TNFAIP8: variants seen among roughly 807,000 people sequenced by gnomAD.
The protein encoded by TNFAIP8 is TNF alpha induced protein 8.
In TNFAIP8, 7 loss-of-function variants were observed where a neutral mutation model predicts 13.3. The ratio of observed to expected loss-of-function variants is 0.52; its 90% CI spans 0.30 to 0.99. The LOEUF is 0.99. Ranked by LOEUF, TNFAIP8 falls within the 50% of genes least tolerant of loss-of-function variation. TNFAIP8 has a pLI of 0.07. For synonymous variants in TNFAIP8, 94 were observed against 87.6 expected (o/e 1.07, Z -0.41); for missense variants, 258 against 236.9 (o/e 1.09, Z -0.58).
rs1748599442 is a variant in TNFAIP8 at position 119,280,617 on chromosome 5, G to A, written c.1+11710G>A. Among the ~76,000 whole-genome samples, 3 of 152,234 alleles carry A rather than the reference G, an allele frequency of 2.0e-5. No homozygotes were observed. The South Asian group carries it at 6.2e-4, about 32-fold the overall frequency. Reference sequence around the variant, plus strand: ...GTATTCTTTCACTGGGAGACACATGGGGTCTGGTTTTTCCACTCTTTTGAT... The same window carrying A: ...GTATTCTTTCACTGGGAGACACATGAGGTCTGGTTTTTCCACTCTTTTGAT... On this transcript the variant is annotated intron_variant, in intron 1 of 1. Coordinates refer to the TNFAIP8 transcript ENST00000274456.
chr5:119,307,525 C>A (rs1016629681), intron 1 of TNFAIP8, among the ~76,000 whole-genome samples: 1 of 151,812 alleles, frequency 6.6e-6, no homozygotes, highest in Non-Finnish European at 1.5e-5. Context: ...AGAAAAATTT[C>A]TGGAAAGATG....
intron 1 of TNFAIP8, among the ~76,000 whole-genome samples, chr5:119,315,152 A>G (rs1749850547): frequency 6.6e-6 from 1 of 152,154 alleles, no homozygotes; most frequent in Non-Finnish European, 1.5e-5. Context: ...GTGCGATCTC[A>G]GCTCACTACA....
chr5:119,330,816 A>T lies in TNFAIP8; in HGVS notation c.1+61909A>T, dbSNP rs549933055. 9.2e-5 allele frequency among the ~76,000 whole-genome samples: 14 copies of T among 152,164 alleles called. No individual in the cohort carries two copies. In the East Asian group the frequency reaches 2.7e-3, roughly 29 times the overall value. On this transcript the variant is annotated intron_variant, in intron 1 of 1. Transcript: ENST00000274456. ...GATAAGGTGGCCGCAGACTTCCCTAATGACAGCTTATTTGGTATTACTGTG... is the reference window on the plus strand; with the variant it reads ...GATAAGGTGGCCGCAGACTTCCCTATTGACAGCTTATTTGGTATTACTGTG...
chr5:119,323,680 A>T (rs1275549824), intron 1 of TNFAIP8, among the ~76,000 whole-genome samples: 1 of 152,222 alleles, frequency 6.6e-6, no homozygotes, highest in African/African-American at 2.4e-5. Context: ...TTCTGTTAGC[A>T]AATCAGTTGT....
chr5:119,278,394 T>A lies in TNFAIP8; in HGVS notation c.1+9487T>A, dbSNP rs1283502596. Among the ~76,000 whole-genome samples the A allele has an allele frequency of 1.0e-4, 15 of 149,898 alleles. No individual in the cohort carries two copies. The East Asian group carries it at 1.7e-3, about 17-fold the overall frequency. ...GAGAGAGAGTGTGTGTGTGTGTGTG[T>A]GTGTGTGTGTGTGTGTGTGTGTGTG... On this transcript the variant is annotated intron_variant, in intron 1 of 1. Transcript: ENST00000274456.
chr5:119,380,838 T>A (rs983667202), intron 1 of TNFAIP8, among the ~76,000 whole-genome samples: 6 of 152,240 alleles, frequency 3.9e-5, no homozygotes, highest in African/African-American at 1.2e-4. Context: ...CAAATTTTTT[T>A]AAATGTTTAA....
chr5:119,328,235 A>G (rs924683945), intron 1 of TNFAIP8, among the ~76,000 whole-genome samples: 1 of 152,104 alleles, frequency 6.6e-6, no homozygotes, highest in African/African-American at 2.4e-5. Context: ...CTGACCCTCA[A>G]CCCTTGCCCT....
intron 1 of TNFAIP8, among the ~76,000 whole-genome samples, chr5:119,314,814 GGAGTTA>G (rs2112677677): frequency 6.6e-6 from 1 of 152,308 alleles, no homozygotes; most frequent in South Asian, 2.1e-4. Flanking sequence ...AGTGCTGTCA[GGAGTTA>G]GTAAGATTAA....
intron 1 of TNFAIP8, among the ~76,000 whole-genome samples, chr5:119,341,415 TAAAAC>T (rs1053203625): frequency 2.1e-5 from 3 of 144,878 alleles, no homozygotes; most frequent in Non-Finnish European, 4.4e-5. Context: ...TTAAAAAACT[TAAAAC>T]AAACAAAGAA....
intron 1 of TNFAIP8, among the ~76,000 whole-genome samples, chr5:119,340,053 A>G (rs912551675): frequency 1.4e-4 from 21 of 152,304 alleles, no homozygotes; most frequent in African/African-American, 3.8e-4. Flanking sequence ...CTGGGGCAAC[A>G]TTCAGAAGGC....
chr5:119,379,948 C>T (rs937807498), intron 1 of TNFAIP8, among the ~76,000 whole-genome samples: 2 of 152,166 alleles, frequency 1.3e-5, no homozygotes, highest in African/African-American at 2.4e-5. Flanking sequence ...CAGGCAGGCT[C>T]TAAGAAGTGG....
At chr5:119,358,378 A>G (rs894755495) in intron 1 of TNFAIP8, among the ~76,000 whole-genome samples, 3 of 152,204 alleles carry the variant, frequency 2.0e-5, no homozygotes, top group Non-Finnish European at 1.5e-5. Flanking sequence ...CAGAGCTTAA[A>G]ACATACTTGA....
intron 1 of TNFAIP8, chr5:119,391,450 T>G (rs940105598): frequency 1.4e-6 from 1 of 702,092 alleles, no homozygotes; most frequent in Middle Eastern, 2.3e-4. Context: ...ACTGCAGTTC[T>G]TAAGCCTTAG....
At chr5:119,338,260 G>A (rs1750625712) in intron 1 of TNFAIP8, among the ~76,000 whole-genome samples, 2 of 150,758 alleles carry the variant, frequency 1.3e-5, no homozygotes, top group South Asian at 4.2e-4. Context: ...TTTTGCTCCT[G>A]TCAGGCAGGC....
chr5:119,380,169 A>G (rs1028190519), intron 1 of TNFAIP8, among the ~76,000 whole-genome samples: 2 of 152,246 alleles, frequency 1.3e-5, no homozygotes, highest in Admixed American at 1.3e-4. Flanking sequence ...GTTAAGTAAT[A>G]ACAGGACCAA....
chr5:119,294,002 A>T (rs182995834), intron 1 of TNFAIP8, among the ~76,000 whole-genome samples: 84 of 151,980 alleles, frequency 5.5e-4, no homozygotes, highest in Admixed American at 1.6e-3. Flanking sequence ...ATATCAATTC[A>T]CTTTTAACGT....
intron 1 of TNFAIP8, among the ~76,000 whole-genome samples, chr5:119,347,629 A>G (rs1338920158): frequency 6.6e-6 from 1 of 152,172 alleles, no homozygotes; most frequent in Non-Finnish European, 1.5e-5. Context: ...GAGGCTGAGT[A>G]ACTTAAATTT....
At chr5:119,271,450 G>T (rs1302015662) in intron 1 of TNFAIP8, among the ~76,000 whole-genome samples, 1 of 152,340 alleles carries the variant, frequency 6.6e-6, no homozygotes, top group African/African-American at 2.4e-5. Context: ...TTCATTCTCA[G>T]AATTGAGCTT....
chr5:119,297,316 C>T (rs1402372304), intron 1 of TNFAIP8, among the ~76,000 whole-genome samples: 3 of 152,110 alleles, frequency 2.0e-5, no homozygotes, highest in East Asian at 1.9e-4. Flanking sequence ...TCTTTGTTCT[C>T]GTTGGTTTCA....
Sources: allele counts gnomAD v4.1 joint callset (sites outside exome capture counted in the v4.1 genomes callset), GRCh38; gene constraint gnomAD v4.1.1; transcripts MANE v1.5; gene names NCBI Gene and HGNC (gene_info 2026-07-23, HGNC 2026-07-21).